MAGI1: variants seen among roughly 807,000 people sequenced by gnomAD.
MAGI1 encodes membrane-associated guanylate kinase, WW and PDZ domain-containing protein 1.
MAGI1 carries 58 observed loss-of-function variants against 139.9 expected under a neutral mutation model. The ratio of observed to expected loss-of-function variants is 0.41; its 90% CI spans 0.34 to 0.52. The LOEUF (loss-of-function observed/expected upper bound fraction) is 0.52, where lower values mean the gene tolerates loss of function less well. Among genes scored for constraint, MAGI1 ranks in the 20% least tolerant of loss-of-function variants. The pLI is 0.12. For missense variants in MAGI1, 1,874 were observed against 1,901.6 expected (o/e 0.99, Z 0.27); for synonymous variants, 812 against 737.9 (o/e 1.10, Z -1.63).
At chr3:65,683,988 G>A (rs1194908766) in intron 1 of MAGI1, among the ~76,000 whole-genome samples, 57 of 143,646 alleles carry the variant, frequency 4.0e-4, no homozygotes, top group African/African-American at 1.4e-3. Context: ...AACCTAGAGA[G>A]AGCCCATGTC....
intron 5 of MAGI1, among the ~76,000 whole-genome samples, chr3:65,454,350 G>T (rs1163609512): frequency 1.3e-5 from 2 of 149,192 alleles, no homozygotes; most frequent in Non-Finnish European, 3.0e-5. Context: ...ATGGACACAG[G>T]AAGGGGAACA....
chr3:65,895,997 G>C (rs1486968393), intron 1 of MAGI1, among the ~76,000 whole-genome samples: 1 of 152,098 alleles, frequency 6.6e-6, no homozygotes, highest in Non-Finnish European at 1.5e-5. Flanking sequence ...AGGAATACAG[G>C]CTGACCCACT....
chr3:65,734,324 G>T (rs935341518), intron 1 of MAGI1, among the ~76,000 whole-genome samples: 1 of 152,006 alleles, frequency 6.6e-6, no homozygotes, highest in Non-Finnish European at 1.5e-5. Flanking sequence ...GCCAGGTATG[G>T]TGGCACTTGC....
chr3:65,982,689 A>G (rs1323975152), intron 1 of MAGI1, among the ~76,000 whole-genome samples: 2 of 152,170 alleles, frequency 1.3e-5, no homozygotes, highest in Non-Finnish European at 2.9e-5. Context: ...AATAGGGCTC[A>G]TGTGTAACAT....
intron 12 of MAGI1, among the ~76,000 whole-genome samples, chr3:65,419,229 C>G (rs796654269): frequency 6.9e-6 from 1 of 144,716 alleles, no homozygotes; most frequent in South Asian, 2.5e-4. Context: ...CATACACACA[C>G]ACACACACAC....
At chr3:65,412,361 C>T (rs866054550) in intron 12 of MAGI1, among the ~76,000 whole-genome samples, 1 of 152,354 alleles carries the variant, frequency 6.6e-6, no homozygotes. Context: ...GGCAGGCTAC[C>T]AGCAGATCTG....
intron 1 of MAGI1, among the ~76,000 whole-genome samples, chr3:66,012,634 T>C (rs1459259007): frequency 5.3e-5 from 8 of 151,656 alleles, no homozygotes. Context: ...GGTATGGTGG[T>C]ACACATCTGT....
At chr3:65,847,132 T>A (rs1233854866) in intron 1 of MAGI1, among the ~76,000 whole-genome samples, 1 of 152,172 alleles carries the variant, frequency 6.6e-6, no homozygotes, top group Non-Finnish European at 1.5e-5. Flanking sequence ...AGCTGATCAC[T>A]AGAGGCAATT....
chr3:65,453,522 G>A (rs1204349307), intron 5 of MAGI1, among the ~76,000 whole-genome samples, 182 bp from the exon 6 acceptor site: 1 of 152,052 alleles, frequency 6.6e-6, no homozygotes, highest in Non-Finnish European at 1.5e-5. Flanking sequence ...CTTGGGGAGG[G>A]TCTTAGGTAG....
At chr3:66,021,200 C>A (rs1315453542) in intron 1 of MAGI1, among the ~76,000 whole-genome samples, 1 of 152,200 alleles carries the variant, frequency 6.6e-6, no homozygotes, top group Admixed American at 6.5e-5. Flanking sequence ...TCCTCAGCCA[C>A]ATTACAGGTA....
chr3:65,561,467 G>A (rs1261482933), intron 2 of MAGI1, among the ~76,000 whole-genome samples: 1 of 152,064 alleles, frequency 6.6e-6, no homozygotes, highest in Non-Finnish European at 1.5e-5. Flanking sequence ...AAAATTCAAG[G>A]AGGTGCTTAA....
chr3:65,375,987 GA>G (rs1166626015), intron 17 of MAGI1, 42 bp from the exon 18 acceptor site: 2 of 1,468,874 alleles, frequency 1.4e-6, no homozygotes, highest in Non-Finnish European at 1.9e-6. Flanking sequence ...AGTTACGTGG[GA>G]ATATAGCAAA....
At chr3:65,941,670 A>C (rs1354427724) in intron 1 of MAGI1, among the ~76,000 whole-genome samples, 1 of 151,172 alleles carries the variant, frequency 6.6e-6, no homozygotes, top group Admixed American at 6.6e-5. Flanking sequence ...CCCCAACTTT[A>C]AAGTCTAAAG....
intron 12 of MAGI1, 197 bp from the exon 13 acceptor site, chr3:65,401,667 CAGG>C (rs1944908822): frequency 1.9e-6 from 3 of 1,544,250 alleles, no homozygotes; most frequent in Non-Finnish European, 2.6e-6. Context: ...GAGCGAGAGG[CAGG>C]AGATCTATCT....
chr3:65,901,731 G>C (rs1179915809), intron 1 of MAGI1, among the ~76,000 whole-genome samples: 1 of 152,058 alleles, frequency 6.6e-6, no homozygotes, highest in Non-Finnish European at 1.5e-5. Flanking sequence ...CTGCGAAAAA[G>C]GCAAATTTTG....
chr3:65,809,209 G>A (rs373973897), intron 1 of MAGI1, among the ~76,000 whole-genome samples: 3 of 152,290 alleles, frequency 2.0e-5, no homozygotes, highest in East Asian at 3.9e-4. Flanking sequence ...CAGTGACGAT[G>A]TGCTCTAATA....
chr3:65,801,477 G>A (rs1008397831), intron 1 of MAGI1, among the ~76,000 whole-genome samples: 5 of 152,096 alleles, frequency 3.3e-5, no homozygotes, highest in African/African-American at 4.8e-5. Context: ...ATGAATAACC[G>A]TACTTGGATC....
At chr3:65,714,024 C>T (rs886880033) in intron 1 of MAGI1, among the ~76,000 whole-genome samples, 3 of 152,198 alleles carry the variant, frequency 2.0e-5, no homozygotes, top group Non-Finnish European at 4.4e-5. Flanking sequence ...TTTGGAACTG[C>T]GGTCAGAGCA....
At chr3:65,726,756 G>T (rs2033653839) in intron 1 of MAGI1, among the ~76,000 whole-genome samples, 1 of 152,014 alleles carries the variant, frequency 6.6e-6, no homozygotes, top group Non-Finnish European at 1.5e-5. Flanking sequence ...TAGGGTTTCA[G>T]GCACCTAGGG....
Sources: gnomAD v4.1 joint callset for allele counts (sites outside exome capture counted in the v4.1 genomes callset) on GRCh38, gnomAD v4.1.1 for gene constraint, MANE v1.5 for transcripts, NCBI Gene and HGNC (gene_info 2026-07-23, HGNC 2026-07-21) for gene names.